The following UBA6 variants were observed in gnomAD, a reference collection of about 807,000 sequenced individuals.
The protein encoded by UBA6 is ubiquitin-like modifier-activating enzyme 6.
In UBA6, 87 loss-of-function variants were observed where a neutral mutation model predicts 148.3. The ratio of observed to expected loss-of-function variants is 0.59; its 90% CI spans 0.49 to 0.70. UBA6 has a LOEUF of 0.70. Ranked by LOEUF, UBA6 falls within the 30% of genes least tolerant of loss-of-function variation. The pLI, the probability that UBA6 is intolerant of heterozygous loss-of-function variation, is 0.00. For synonymous variants in UBA6, 376 were observed against 401.0 expected (o/e 0.94, Z 0.75); for missense variants, 1,186 against 1,241.2 (o/e 0.96, Z 0.67).
chr4:67,693,728 G>C (rs144752277), intron 2 of UBA6, among the ~76,000 whole-genome samples: 1 of 152,108 alleles, frequency 6.6e-6, no homozygotes, highest in South Asian at 2.1e-4. Flanking sequence ...GAAAGAGAAC[G>C]GAGAGAAAAG....
intron 2 of UBA6, among the ~76,000 whole-genome samples, chr4:67,683,810 C>T (rs930128294): frequency 6.6e-6 from 1 of 152,112 alleles, no homozygotes; most frequent in Non-Finnish European, 1.5e-5. Flanking sequence ...TGGTGGCTCA[C>T]GCCTATAATC....
chr4:67,619,244 T>A, intron 32 of UBA6, 112 bp from the exon 33 acceptor site: 1 of 739,652 alleles, frequency 1.4e-6, no homozygotes, highest in Non-Finnish European at 2.2e-6. Context: ...CTTTAACATC[T>A]AATAATAATC....
intron 18 of UBA6, among the ~76,000 whole-genome samples, chr4:67,640,531 C>T (rs1729280199): frequency 6.6e-6 from 1 of 152,148 alleles, no homozygotes; most frequent in South Asian, 2.1e-4. Flanking sequence ...CCAGGCTGGT[C>T]GGGAACTCCT....
At chr4:67,663,054 G>T in intron 12 of UBA6, 85 bp downstream of exon 12, 1 of 915,214 alleles carries the variant, frequency 1.1e-6, no homozygotes, top group Non-Finnish European at 1.7e-6. Flanking sequence ...TAATTACAAA[G>T]GGCATAGTTA....
rs1421003386 is a variant in UBA6, at chr4:67,625,189, T to C, written c.2519-2A>G. The C allele has an allele frequency of 1.2e-6, 2 of 1,601,132 alleles. No individual in the cohort carries two copies. The highest frequency in any genetic ancestry group is 1.1e-5 in the South Asian group (1 of 89,824). On this transcript the variant is annotated splice_acceptor_variant, in intron 28 of 32. Coordinates refer to ENST00000322244, the MANE Select transcript of UBA6 (RefSeq NM_018227.6). LOFTEE classifies it high-confidence loss of function. ...AAAGCACTGCCATCTGAAGGTCACC[T>C]GATTATACCAACCAGATAAACAAAG...
rs769649769 is a variant in UBA6 at position 67,694,215 on chromosome 4, CAAAAAAAAAAAAAAAA to C, written c.134+2414_134+2429del. On this transcript the variant is annotated intron_variant, in intron 2 of 32. Coordinates refer to ENST00000322244, the MANE Select transcript of UBA6 (RefSeq NM_018227.6). ...TGGATGACAGAGCAAGACTCCATCT[CAAAAAAAAAAAAAAAA>C]AAAAAAAAAAAAAGAAAAAATACAA... Among the ~76,000 whole-genome samples the C allele has an allele frequency of 6.4e-4, 27 of 41,874 alleles. 5 individuals carry two copies. Among genetic ancestry groups the C allele is most frequent in the Middle Eastern group, 0.036 (1 of 28 alleles). The allele number at this position is 41,874 out of a possible 152,430, so 27.5% of individuals were successfully genotyped here. A position where few individuals can be genotyped will look rare whatever the true frequency, so the allele number is the denominator to read the frequency against.
chr4:67,622,805 C>T (rs752091190), intron 32 of UBA6, 26 bp downstream of exon 32: 12 of 1,499,120 alleles, frequency 8.0e-6, no homozygotes, highest in African/African-American at 4.2e-5. Flanking sequence ...TCTTGTTAAT[C>T]GCTGCATATA....
In UBA6 at chr4:67,626,457, A is replaced by C. The variant is rs745697884; in HGVS notation, c.2421T>G (p.Thr807=). Residue 807 remains threonine (T), a synonymous_variant, in exon 28 of 33, where the codon ACT becomes ACG. Transcript: ENST00000322244. Reference sequence around the variant, plus strand: ...TAGGAACATGGTCTGGTTTCCTTGCAGTTTCATCTGTTTGAACAACCTTTG... The same window carrying C: ...TAGGAACATGGTCTGGTTTCCTTGCCGTTTCATCTGTTTGAACAACCTTTG... ...PSNKVVQTDE[T]ARKPDHVPIS... The C allele has an allele frequency of 5.6e-6, 9 of 1,609,270 alleles. No homozygotes were observed. Among genetic ancestry groups the C allele is most frequent in the Non-Finnish European group, 7.6e-6 (9 of 1,177,256 alleles).
At chr4:67,624,047 G>T in intron 30 of UBA6, 79 bp downstream of exon 30, 2 of 1,236,458 alleles carry the variant, frequency 1.6e-6, no homozygotes, top group Non-Finnish European at 1.1e-6. Flanking sequence ...AAGAGGTGAA[G>T]CTAGTATTTT....
Position 67,629,062 on chromosome 4 carries a change from T to A in UBA6, c.2400+9A>T. ...ACTATTTGCTGAATGAATGATTTTT[T>A]AAACATACCTTATTGGAAGGCTTGA... On this transcript the variant is annotated intron_variant, in intron 27 of 32. Coordinates refer to ENST00000322244, the MANE Select transcript of UBA6 (RefSeq NM_018227.6). The A allele has an allele frequency of 6.3e-7, 1 of 1,590,584 alleles. No individual in the cohort carries two copies. Among genetic ancestry groups the A allele is most frequent in the Non-Finnish European group, 8.6e-7 (1 of 1,159,478 alleles).
intron 11 of UBA6, 110 bp from the exon 12 acceptor site, chr4:67,663,325 C>T: frequency 1.5e-6 from 1 of 673,884 alleles, no homozygotes; most frequent in Non-Finnish European, 2.5e-6. Context: ...AACACATTAG[C>T]TTAATACTGT....
intron 18 of UBA6, among the ~76,000 whole-genome samples, chr4:67,639,358 C>A (rs1729248656): frequency 6.6e-6 from 1 of 151,940 alleles, no homozygotes; most frequent in African/African-American, 2.4e-5. Flanking sequence ...TAATAAAAAT[C>A]TAAACACCTT....
At chr4:67,637,357 TG>T (rs1399100102) in intron 19 of UBA6, among the ~76,000 whole-genome samples, 15 of 119,234 alleles carry the variant, frequency 1.3e-4, no homozygotes, top group Admixed American at 1.2e-3. Flanking sequence ...GTCCGGGAGG[TG>T]GGGGCGCCTC....
At chr4:67,677,236 C>T (rs1318824438) in intron 6 of UBA6, among the ~76,000 whole-genome samples, 1 of 152,112 alleles carries the variant, frequency 6.6e-6, no homozygotes, top group African/African-American at 2.4e-5. Flanking sequence ...CTCCTGGTCC[C>T]AGAAGAGAGA....
intron 32 of UBA6, 148 bp downstream of exon 32, chr4:67,622,683 C>G (rs1728777290): frequency 1.6e-5 from 9 of 570,300 alleles, no homozygotes; most frequent in Middle Eastern, 4.8e-4. Flanking sequence ...TTGGCCTTCA[C>G]CTGGCAGATT....
chr4:67,680,014 TAA>T (rs1730392975), intron 4 of UBA6, among the ~76,000 whole-genome samples: 4 of 152,294 alleles, frequency 2.6e-5, no homozygotes, highest in South Asian at 2.1e-4. Flanking sequence ...GAGTTTATCA[TAA>T]TGTACACATA....
chr4:67,682,295 C>G, intron 2 of UBA6, 82 bp from the exon 3 acceptor site: 1 of 1,029,778 alleles, frequency 9.7e-7, no homozygotes, highest in Non-Finnish European at 1.5e-6. Flanking sequence ...AAACTAAAAG[C>G]CTAGGAACTC....
At chr4:67,693,703 G>C (rs920992767) in intron 2 of UBA6, among the ~76,000 whole-genome samples, 4 of 152,128 alleles carry the variant, frequency 2.6e-5, no homozygotes, top group African/African-American at 7.2e-5. Flanking sequence ...AAAATGGTCG[G>C]AACTGTGGCT....
rs560508790 is a variant in UBA6 at position 67,646,655 on chromosome 4, G to A, written c.1316+69C>T. On this transcript the variant is annotated intron_variant, in intron 15 of 32. Coordinates refer to ENST00000322244, the MANE Select transcript of UBA6 (RefSeq NM_018227.6). ...TGGGAGAAAAGACACATAAAACAAA[G>A]GTATGTTTAGACAAAACTTTTAAAA... is the stretch of plus-strand genomic sequence containing the variant. 5.2e-5 allele frequency: 60 copies of A among 1,147,620 alleles called. No homozygotes were observed. The East Asian group carries it at 1.5e-3, about 28-fold the overall frequency. 71.1% of individuals were successfully genotyped at this position (1,147,620 alleles called of 1,614,324 possible). A position where few individuals can be genotyped will look rare whatever the true frequency, so the allele number is the denominator to read the frequency against.
Sources: allele counts gnomAD v4.1 joint callset (sites outside exome capture counted in the v4.1 genomes callset), GRCh38; gene constraint gnomAD v4.1.1; transcripts MANE v1.5; gene names NCBI Gene and HGNC (gene_info 2026-07-23, HGNC 2026-07-21).